DUS1L: variants seen among roughly 807,000 people sequenced by gnomAD.
DUS1L encodes the protein dihydrouridine synthase 1 like.
A neutral mutation model predicts 61.2 loss-of-function variants in DUS1L; 56 were observed. The observed-to-expected ratio is 0.92, with a 90% CI of 0.74 to 1.14. DUS1L has a LOEUF of 1.14. DUS1L is among the 50% of genes most tolerant of loss of function. DUS1L has a pLI of 0.00. For missense variants in DUS1L, 630 were observed against 632.4 expected (o/e 1.00, Z 0.04); for synonymous variants, 278 against 259.5 (o/e 1.07, Z -0.69).
intron 3 of DUS1L, 94 bp from the exon 4 acceptor site, chr17:82,063,612 C>G: frequency 6.5e-7 from 1 of 1,537,664 alleles, no homozygotes; most frequent in Non-Finnish European, 8.9e-7. Flanking sequence ...TGCATCCACG[C>G]AGGCCAGGAG....
At chr17:82,060,416 G>A in intron 10 of DUS1L, 2 of 581,998 alleles carry the variant, frequency 3.4e-6, no homozygotes, top group East Asian at 2.8e-5. Flanking sequence ...AATCCACCAG[G>A]ATCAGAGGAG....
At chr17:82,061,451 C>T (rs2033489365) in intron 7 of DUS1L, 98 bp from the exon 8 acceptor site, 1 of 1,500,190 alleles carries the variant, frequency 6.7e-7, no homozygotes, top group Non-Finnish European at 9.0e-7. Flanking sequence ...TGTGCCACCT[C>T]ACAAGGGACA....
rs144374065 is a variant in DUS1L, at chr17:82,059,462, C to T, written c.1168+486G>A. 20 of 167,416 alleles carry T rather than the reference C, an allele frequency of 1.2e-4. No homozygotes were observed. In the East Asian group the frequency reaches 2.5e-3, roughly 21 times the overall value. 10.4% of individuals were successfully genotyped at this position (167,416 alleles called of 1,614,324 possible). A position where few individuals can be genotyped will look rare whatever the true frequency, so the allele number is the denominator to read the frequency against. On this transcript the variant is annotated intron_variant, in intron 11 of 13. Transcript: ENST00000306796. ...GGCCCAGATGGGCTGGCCCAGGATA[C>T]GGCGGCGACCAGGGGTCTCAGGGGA... is the stretch of plus-strand genomic sequence containing the variant.
intron 10 of DUS1L, chr17:82,060,423 G>A: frequency 3.4e-6 from 2 of 583,412 alleles, no homozygotes; most frequent in South Asian, 4.4e-5. Flanking sequence ...CAGGATCAGA[G>A]GAGCTCAGAG....
intron 10 of DUS1L, 124 bp from the exon 11 acceptor site, chr17:82,060,217 G>T: frequency 1.5e-6 from 2 of 1,301,724 alleles, no homozygotes; most frequent in Non-Finnish European, 1.0e-6. Flanking sequence ...GCTGTGAGGA[G>T]TGCCCTCCTT....
chr17:82,061,535 G>A (rs1483690270), intron 7 of DUS1L, 83 bp downstream of exon 7: 5 of 1,472,524 alleles, frequency 3.4e-6, no homozygotes, highest in African/African-American at 1.4e-5. Flanking sequence ...GGGGAGGGCA[G>A]TAGGCAGTGG....
intron 1 of DUS1L, 100 bp from the exon 2 acceptor site, chr17:82,065,169 C>A: frequency 9.4e-7 from 1 of 1,062,092 alleles, no homozygotes; most frequent in East Asian, 2.5e-5. Context: ...GCTCCAGTAC[C>A]ACCGTTGGGT....
In DUS1L at chr17:82,062,742, G is replaced by A. The variant is rs2033571019; in HGVS notation, c.510+119C>T. The A allele has an allele frequency of 6.0e-6, 5 of 835,062 alleles. No homozygotes were observed. In the South Asian group the frequency reaches 7.9e-5, roughly 13 times the overall value. The allele number at this position is 835,062 out of a possible 1,614,324, so 51.7% of individuals were successfully genotyped here. A position where few individuals can be genotyped will look rare whatever the true frequency, so the allele number is the denominator to read the frequency against. ...CAGTGGGGACAGGCCAGTCAGGAGGGCCACTGCCCCCATGAGGCCGACGGT... is the reference window on the plus strand; with the variant it reads ...CAGTGGGGACAGGCCAGTCAGGAGGACCACTGCCCCCATGAGGCCGACGGT... On this transcript the variant is annotated intron_variant, in intron 5 of 13. Coordinates refer to ENST00000306796, the MANE Select transcript of DUS1L (RefSeq NM_022156.5).
In DUS1L at chr17:82,063,449, A is replaced by ATCCAGCCAACTCAC. The variant is rs751875945; in HGVS notation, c.397+18_397+19insGTGAGTTGGCTGGA. ...TGAGGGTCTCTGGGGGTCCTTCACC[A>ATCCAGCCAACTCAC]TCCACCCAGCCAACTCACTCATTCT... On this transcript the variant is annotated intron_variant, in intron 4 of 13. Transcript: ENST00000306796. The ATCCAGCCAACTCAC allele has an allele frequency of 2.9e-5, 46 of 1,613,768 alleles. No individual in the cohort carries two copies. In the South Asian group the frequency reaches 4.9e-4, roughly 17 times the overall value.
At chr17:82,058,876 G>A in intron 11 of DUS1L, 58 bp from the exon 12 acceptor site, 3 of 1,501,662 alleles carry the variant, frequency 2.0e-6, no homozygotes, top group East Asian at 2.3e-5. Context: ...TGGCTGTGGG[G>A]GCTGCCCCGT....
chr17:82,061,783 C>T (rs772477965), intron 6 of DUS1L, 62 bp from the exon 7 acceptor site: 101 of 1,597,896 alleles, frequency 6.3e-5, no homozygotes, highest in Non-Finnish European at 8.0e-5. Context: ...ATGCTGCCCC[C>T]AGCCACGGCC....
At chr17:82,059,020 G>A in intron 11 of DUS1L, 1 of 597,410 alleles carries the variant, frequency 1.7e-6, no homozygotes, top group African/African-American at 1.9e-5. Context: ...GGGGATGCAG[G>A]GGGCACCATC....
rs1369116286 is a variant in DUS1L at position 82,062,886 on chromosome 17, T to TGGGC, written c.481_484dup (p.Gln162ArgfsTer48). The TGGGC allele has an allele frequency of 6.2e-7, 1 of 1,612,860 alleles. No individual in the cohort carries two copies. The highest frequency in any genetic ancestry group is 1.7e-5 in the Admixed American group (1 of 60,020). On this transcript the variant is annotated frameshift_variant, in exon 5 of 14. Transcript: ENST00000306796. LOFTEE classifies it high-confidence loss of function. ...CTGGCAGCCGGCCTTCTCCAGCATC[T>TGGGC]GGGCGTACCTCACGGTCTTGTCAAT...
At chr17:82,065,151 C>G in intron 1 of DUS1L, 82 bp from the exon 2 acceptor site, 1 of 1,248,638 alleles carries the variant, frequency 8.0e-7, no homozygotes, top group Non-Finnish European at 1.1e-6. Context: ...GGTCACCCTT[C>G]TAAGGCCGCT....
At chr17:82,065,110 C>G (rs760151305) in intron 1 of DUS1L, 41 bp from the exon 2 acceptor site, 25 of 1,524,216 alleles carry the variant, frequency 1.6e-5, no homozygotes, top group Admixed American at 6.1e-5. Context: ...CCAGGCCCAA[C>G]GAGGGGCTTA....
chr17:82,060,944 T>G lies in DUS1L; in HGVS notation c.860A>C (p.Glu287Ala). The G allele has an allele frequency of 6.2e-7, 1 of 1,610,086 alleles. No individual in the cohort carries two copies. Among genetic ancestry groups the G allele is most frequent in the Middle Eastern group, 1.7e-4 (1 of 6,054 alleles). The part of the protein sequence containing the change: ...LWHHTLQVHQ[E>A]LREELAKVKT... ...CACCTTGGCCAGCTCCTCTCGCAGC[T>G]CCTGGTGCACCTGCAGCCTGAGACA... Residue 287 changes from glutamate to alanine, a missense_variant, in exon 9 of 14, where the codon GAG (glutamate) becomes GCG (alanine). By Grantham distance (107) the Glu-to-Ala change is moderately radical. Coordinates refer to ENST00000306796, the MANE Select transcript of DUS1L (RefSeq NM_022156.5).
At chr17:82,059,589 G>A (rs549404000) in intron 11 of DUS1L, 120 of 266,902 alleles carry the variant, frequency 4.5e-4, no homozygotes, top group African/African-American at 1.9e-3. Flanking sequence ...ACACACTCCC[G>A]GGGACCCCAG....
Position 82,058,415 on chromosome 17 carries a change from C to G in DUS1L, c.1208G>C (p.Gly403Ala). 6.7e-7 allele frequency: 1 copy of G among 1,487,198 alleles called. No homozygotes were observed. The highest frequency in any genetic ancestry group is 9.0e-7 in the Non-Finnish European group (1 of 1,117,138). 92.1% of individuals were successfully genotyped at this position (1,487,198 alleles called of 1,614,324 possible). Residue 403 changes from glycine to alanine, a missense_variant and splice_region_variant, in exon 13 of 14, where the codon GGC becomes GCC. Coordinates refer to ENST00000306796, the MANE Select transcript of DUS1L (RefSeq NM_022156.5). ...GCACAGGCTGAACACACATCTGTTG[C>G]CCTGGGCACAGGAAATCTCGGGAGC... ...AKCDQCGNPKGNRCVFSLCRG... is the reference protein window; with the variant it reads ...AKCDQCGNPKANRCVFSLCRG...
At chr17:82,061,031 G>A in intron 8 of DUS1L, 70 bp from the exon 9 acceptor site, 1 of 1,560,298 alleles carries the variant, frequency 6.4e-7, no homozygotes, top group Non-Finnish European at 8.7e-7. Context: ...TGAGCACTGG[G>A]CACACGGGGA....
Sources: gnomAD v4.1 joint callset for allele counts on GRCh38, gnomAD v4.1.1 for gene constraint, MANE v1.5 for transcripts, NCBI Gene and HGNC (gene_info 2026-07-23, HGNC 2026-07-21) for gene names.